Variants in BPIFB2 observed in about 807,000 individuals in gnomAD.
BPIFB2 encodes the protein BPI fold containing family B member 2.
In BPIFB2, 39 loss-of-function variants were observed where a neutral mutation model predicts 50.1. That is an observed-to-expected ratio of 0.78 (90% confidence interval 0.60 to 1.02). The LOEUF (loss-of-function observed/expected upper bound fraction) is 1.02, where lower values mean the gene tolerates loss of function less well. Ranked by LOEUF, BPIFB2 falls within the 50% of genes least tolerant of loss-of-function variation. The pLI is 0.00. For synonymous variants in BPIFB2, 280 were observed against 256.3 expected, an observed-to-expected ratio of 1.09 and a Z score of -0.88; for missense variants, 574 against 585.8, an observed-to-expected ratio of 0.98 and a Z score of 0.21.
intron 7 of BPIFB2, 29 bp downstream of exon 7, chr20:33,017,131 T>G (rs745339664): frequency 1.2e-6 from 2 of 1,604,768 alleles, no homozygotes; most frequent in Non-Finnish European, 1.7e-6. Flanking sequence ...GGGAGGGGGC[T>G]GGGGCCTCTG....
intron 13 of BPIFB2, among the ~76,000 whole-genome samples, chr20:33,020,803 A>G (rs1484155556): frequency 1.3e-5 from 2 of 152,150 alleles, no homozygotes; most frequent in African/African-American, 2.4e-5. Context: ...CCTCACCCCA[A>G]AAGTCCATTG....
Position 33,018,655 on chromosome 20 carries a change from G to A in BPIFB2, c.688G>A (p.Gly230Ser). ...LEVNAVLFLL[G>S]KPIILPTDAT... is the part of the protein sequence containing the mutation. ...CCTACAGGCTGTTCTCTTCCTGCTG[G>A]GCAAGCCCATCATCCTGCCCACGGA... is the stretch of plus-strand genomic sequence containing the variant. Residue 230 changes from glycine to serine, a missense_variant, in exon 9 of 16, where the codon GGC (glycine) becomes AGC (serine). Transcript: ENST00000170150. The A allele has an allele frequency of 6.2e-7, 1 of 1,613,298 alleles. No individual in the cohort carries two copies. The highest frequency in any genetic ancestry group is 8.5e-7 in the Non-Finnish European group (1 of 1,179,628).
intron 14 of BPIFB2, 69 bp from the exon 15 acceptor site, chr20:33,021,654 G>A: frequency 2.7e-6 from 4 of 1,472,366 alleles, no homozygotes; most frequent in Non-Finnish European, 3.8e-6. Flanking sequence ...ACTCAGTGCT[G>A]TGATGCACAT....
intron 6 of BPIFB2, among the ~76,000 whole-genome samples, chr20:33,016,484 T>C (rs1283336615): frequency 6.6e-6 from 1 of 152,228 alleles, no homozygotes; most frequent in Non-Finnish European, 1.5e-5. Flanking sequence ...CGCCAGCTCT[T>C]GCCTGGTTAA....
chr20:33,018,286 A>T lies in BPIFB2; in HGVS notation c.605A>T (p.Gln202Leu). 1 of 1,614,108 alleles carries T rather than the reference A, an allele frequency of 6.2e-7. No homozygotes were observed. Among genetic ancestry groups the T allele is most frequent in the Non-Finnish European group, 8.5e-7 (1 of 1,179,960 alleles). The stretch of plus-strand genomic sequence containing the variant: ...CTCAACCCCGTGGGTCCTGAGTCCC[A>T]GATCCGCTATTCCATGGTCAGTGTG... The part of the protein sequence containing the change: ...IGLNPVGPES[Q>L]IRYSMVSVPT... The change falls in exon 8 of 16, where the codon CAG becomes CTG. Residue 202 changes from glutamine (Q) to leucine (L), a missense_variant. By Grantham distance (113) the Gln-to-Leu change is moderately radical. Transcript: ENST00000170150.
At chr20:33,018,564 G>T in intron 8 of BPIFB2, 73 bp from the exon 9 acceptor site, 1 of 1,481,444 alleles carries the variant, frequency 6.8e-7, no homozygotes, top group South Asian at 1.3e-5. Context: ...TAGGAGTCCA[G>T]GTTCTGCCAT....
At chr20:33,020,898 G>A (rs554161432) in intron 13 of BPIFB2, among the ~76,000 whole-genome samples, 26 of 152,246 alleles carry the variant, frequency 1.7e-4, no homozygotes, top group Admixed American at 7.8e-4. Flanking sequence ...CTTGTCAGCC[G>A]GCATGCCATC....
rs547216690 is a variant in BPIFB2, at chr20:33,009,286, C to T, written c.109+603C>T. Among the ~76,000 whole-genome samples the T allele has an allele frequency of 6.6e-6, 1 of 152,310 alleles. No individual in the cohort carries two copies. The highest frequency in any genetic ancestry group is 2.4e-5 in the African/African-American group (1 of 41,552). ...TGTCTTACGGCTGTGCTGCTAGATCCTTCCAAGTCTTGCCCCAATCCCCTA... is the reference window on the plus strand; with the variant it reads ...TGTCTTACGGCTGTGCTGCTAGATCTTTCCAAGTCTTGCCCCAATCCCCTA... On this transcript the variant is annotated intron_variant, in intron 2 of 15. Transcript: ENST00000170150. This position sits in a 1 kb window ranked among gnomAD's most constrained non-coding sequence, Gnocchi z 4.2.
intron 6 of BPIFB2, among the ~76,000 whole-genome samples, chr20:33,016,562 TA>T (rs1978439078): frequency 6.6e-6 from 1 of 152,190 alleles, no homozygotes. Flanking sequence ...GATCCCAACA[TA>T]ATGTACTTCT....
At chr20:33,018,105 C>A (rs1978500832) in intron 7 of BPIFB2, among the ~76,000 whole-genome samples, 154 bp from the exon 8 acceptor site, 1 of 152,236 alleles carries the variant, frequency 6.6e-6, no homozygotes, top group Non-Finnish European at 1.5e-5. Context: ...CTTAAATTTG[C>A]TTATTCAGAG....
In BPIFB2 at chr20:33,019,564, G is replaced by T. The variant is rs772765879; in HGVS notation, c.910-16G>T. On this transcript the variant is annotated splice_polypyrimidine_tract_variant and intron_variant, in intron 10 of 15. Coordinates refer to ENST00000170150, the MANE Select transcript of BPIFB2 (RefSeq NM_025227.3). ...CCGCTGCCTCAGCAGGGCCTCCTCCGCCTCTGCCTCCCCAGGTGGCCCGCC... is the reference window on the plus strand; with the variant it reads ...CCGCTGCCTCAGCAGGGCCTCCTCCTCCTCTGCCTCCCCAGGTGGCCCGCC... The T allele has an allele frequency of 3.2e-6, 5 of 1,570,588 alleles. No individual in the cohort carries two copies. The East Asian group carries it at 9.1e-5, about 29-fold the overall frequency.
Position 33,018,708 on chromosome 20 carries a change from T to C in BPIFB2, c.741T>C (p.His247=). Residue 247 remains histidine (H), a synonymous_variant, in exon 9 of 16, where the codon CAT becomes CAC. Coordinates refer to ENST00000170150, the MANE Select transcript of BPIFB2 (RefSeq NM_025227.3). ...CCACCCCTTTTGTGTTGCCAAGGCA[T>C]GTGGGTACCGAGGGCTCCATGGCCA... ...TDATPFVLPR[H]VGTEGSMATV... 2.5e-6 allele frequency: 4 copies of C among 1,614,174 alleles called. No homozygotes were observed. Among genetic ancestry groups the C allele is most frequent in the Non-Finnish European group, 3.4e-6 (4 of 1,180,026 alleles).
Position 33,023,477 on chromosome 20 carries a change from C to T in BPIFB2, c.*94C>T. The stretch of plus-strand genomic sequence containing the variant: ...CTGGGGAAACTGAGGCAAAACCATA[C>T]TTAGTCATCACCAACAAGCTGGACT... On this transcript the variant is annotated 3_prime_UTR_variant, in exon 16 of 16. Transcript: ENST00000170150. 4 of 1,433,380 alleles carry T rather than the reference C, an allele frequency of 2.8e-6. No homozygotes were observed. The highest frequency in any genetic ancestry group is 2.9e-6 in the Non-Finnish European group (3 of 1,021,176). The allele number at this position is 1,433,380 out of a possible 1,614,324, so 88.8% of individuals were successfully genotyped here.
chr20:33,008,655 C>A lies in BPIFB2; in HGVS notation c.81C>A (p.Val27=), dbSNP rs140278132. The change falls in exon 2 of 16, where the codon GTC becomes GTA. Residue 27 remains valine (V), a synonymous_variant. Transcript: ENST00000170150. The stretch of plus-strand genomic sequence containing the variant: ...GTGCCTCCACGCCAGGCACCGTGGT[C>A]CGACTCAACAAGGCAGCATTGAGCT... ...VVGASTPGTV[V]RLNKAALSYV... The A allele has an allele frequency of 1.9e-6, 3 of 1,607,174 alleles. No individual in the cohort carries two copies. Among genetic ancestry groups the A allele is most frequent in the Non-Finnish European group, 1.7e-6 (2 of 1,176,908 alleles).
chr20:33,021,324 C>T lies in BPIFB2; in HGVS notation c.1238C>T (p.Pro413Leu). ...RTLMGTVFEK[P>L]LLDHLNALLA... ...CTGATGGGCACCGTTTTTGAGAAGC[C>T]CCTGCTGGACCATCTCAATGGTAAG... is the stretch of plus-strand genomic sequence containing the variant. The change falls in exon 14 of 16, where the codon CCC becomes CTC. Residue 413 changes from proline to leucine, a missense_variant. Coordinates refer to ENST00000170150, the MANE Select transcript of BPIFB2 (RefSeq NM_025227.3). 3 of 1,613,780 alleles carry T rather than the reference C, an allele frequency of 1.9e-6. No homozygotes were observed. The highest frequency in any genetic ancestry group is 2.5e-6 in the Non-Finnish European group (3 of 1,179,924).
At chr20:33,013,774 C>T (rs757635363) in intron 4 of BPIFB2, 36 bp from the exon 5 acceptor site, 319 of 1,598,682 alleles carry the variant, frequency 2.0e-4, no homozygotes, top group Non-Finnish European at 2.5e-4. Context: ...CTCTGCTGGG[C>T]GGTGCTGCTC....
intron 10 of BPIFB2, among the ~76,000 whole-genome samples, chr20:33,019,352 C>T (rs893631700): frequency 6.6e-6 from 1 of 152,124 alleles, no homozygotes; most frequent in Non-Finnish European, 1.5e-5. Flanking sequence ...CTCCCTTTCC[C>T]TTATCCTTCT....
Position 33,023,671 on chromosome 20 carries a change from C to T in BPIFB2, c.*288C>T, listed in dbSNP as rs1292746200. On this transcript the variant is annotated 3_prime_UTR_variant, in exon 16 of 16. Coordinates refer to ENST00000170150, the MANE Select transcript of BPIFB2 (RefSeq NM_025227.3). Reference sequence around the variant, plus strand: ...CTCCTCCAGGCTGTATAGACCTGCCCTCTTGCATTAAACAACTTCTCTTGA... The same window carrying T: ...CTCCTCCAGGCTGTATAGACCTGCCTTCTTGCATTAAACAACTTCTCTTGA... 3 of 518,588 alleles carry T rather than the reference C, an allele frequency of 5.8e-6. No individual in the cohort carries two copies. The highest frequency in any genetic ancestry group is 1.0e-5 in the Non-Finnish European group (3 of 287,402). The allele number at this position is 518,588 out of a possible 1,614,324, so 32.1% of individuals were successfully genotyped here.
Position 33,023,343 on chromosome 20 carries a change from G to A in BPIFB2, c.1337G>A (p.Gly446Asp). Reference protein sequence around the residue: ...YVAPEIFVYEGYVVISSGLFY... With the variant: ...YVAPEIFVYEDYVVISSGLFY... ...TCCATGGTTTCCTTTGCCCTTCAGG[G>A]CTACGTGGTGATATCCAGTGGACTC... The change falls in exon 16 of 16, where the codon GGC becomes GAC. Residue 446 changes from glycine (G) to aspartate (D), a missense_variant and splice_region_variant. Transcript: ENST00000170150. The A allele has an allele frequency of 1.2e-6, 2 of 1,613,840 alleles. No homozygotes were observed. The highest frequency in any genetic ancestry group is 1.3e-5 in the African/African-American group (1 of 75,010).
Sources: allele counts gnomAD v4.1 joint callset (sites outside exome capture counted in the v4.1 genomes callset), GRCh38; gene constraint gnomAD v4.1.1; non-coding constraint Gnocchi (gnomAD v3.1); transcripts MANE v1.5; gene names NCBI Gene and HGNC (gene_info 2026-07-23, HGNC 2026-07-21).